OS9: variants seen among roughly 807,000 people sequenced by gnomAD.
The protein encoded by OS9 is OS9 endoplasmic reticulum lectin.
OS9 carries 58 observed loss-of-function variants against 84.7 expected under a neutral mutation model. The ratio of observed to expected loss-of-function variants is 0.68; its 90% CI spans 0.55 to 0.85. The LOEUF is 0.85. Among genes scored for constraint, OS9 ranks in the 40% least tolerant of loss-of-function variants. OS9 has a pLI of 0.00. For missense variants in OS9, 760 were observed against 850.9 expected (o/e 0.89, Z 1.33); for synonymous variants, 278 against 320.8 (o/e 0.87, Z 1.43).
At chr12:57,716,287 G>GGT in intron 7 of OS9, 94 bp downstream of exon 7, 1 of 745,064 alleles carries the variant, frequency 1.3e-6, no homozygotes, top group Non-Finnish European at 2.3e-6. Flanking sequence ...GGTGGGGGGG[G>GGT]GTGGAAAAGT....
intron 11 of OS9, among the ~76,000 whole-genome samples, chr12:57,718,691 G>A (rs574630412): frequency 2.6e-3 from 394 of 152,274 alleles, no homozygotes; most frequent in Non-Finnish European, 4.0e-3. Flanking sequence ...GATCACCTGA[G>A]GTCAGGAGTT....
intron 5 of OS9, 68 bp from the exon 6 acceptor site, chr12:57,715,692 A>G: frequency 1.7e-6 from 2 of 1,148,274 alleles, no homozygotes; most frequent in Non-Finnish European, 2.5e-6. Flanking sequence ...AGTAAAAGAC[A>G]CCTGCTCTAA....
chr12:57,718,909 A>G, intron 11 of OS9, 84 bp from the exon 12 acceptor site: 1 of 957,140 alleles, frequency 1.0e-6, no homozygotes, highest in Non-Finnish European at 1.6e-6. Context: ...ATTTCAAAAT[A>G]TCAGACTCTC....
chr12:57,719,384 A>G (rs1455671903), intron 12 of OS9: 8 of 581,984 alleles, frequency 1.4e-5, no homozygotes, highest in African/African-American at 5.6e-5. Context: ...CCCTCTGGGA[A>G]GCAGCTTTTA....
chr12:57,698,484 A>G (rs1288790224), intron 5 of OS9, among the ~76,000 whole-genome samples: 2 of 152,226 alleles, frequency 1.3e-5, no homozygotes, highest in Non-Finnish European at 2.9e-5. Context: ...GATATGTTAA[A>G]TGAACAGCCA....
chr12:57,716,217 C>G, intron 7 of OS9, 24 bp downstream of exon 7: 1 of 1,481,082 alleles, frequency 6.8e-7, no homozygotes, highest in Non-Finnish European at 9.4e-7. Context: ...TCACCTGTTC[C>G]GTGAAACTCA....
chr12:57,694,591 G>A, intron 1 of OS9, 159 bp from the exon 2 acceptor site: 1 of 766,332 alleles, frequency 1.3e-6, no homozygotes, highest in East Asian at 2.7e-5. Flanking sequence ...AGAAATGGGA[G>A]CGCCCTCTCC....
chr12:57,718,251 G>A lies in OS9; in HGVS notation c.1240G>A (p.Glu414Lys). The change falls in exon 11 of 15, where the codon GAA (glutamate) becomes AAA (lysine). Residue 414 changes from glutamate (E) to lysine (K), a missense_variant. Glu to Lys is a moderately conservative substitution (Grantham distance 56, BLOSUM62 1). Transcript: ENST00000315970. ...TGATCCAGAACGGCAGAGAGAGATGGAAGAAGAGGAGGATGAGGATGAGGA... is the reference window on the plus strand; with the variant it reads ...TGATCCAGAACGGCAGAGAGAGATGAAAGAAGAGGAGGATGAGGATGAGGA... ...RGDPERQREMEEEEDEDEDED... is the reference protein window; with the variant it reads ...RGDPERQREMKEEEDEDEDED... 6.2e-7 allele frequency: 1 copy of A among 1,614,222 alleles called. No individual in the cohort carries two copies. The highest frequency in any genetic ancestry group is 2.2e-5 in the East Asian group (1 of 44,888).
chr12:57,705,443 G>T (rs1288878228), intron 5 of OS9, among the ~76,000 whole-genome samples: 1 of 151,414 alleles, frequency 6.6e-6, no homozygotes, highest in African/African-American at 2.4e-5. Context: ...TTTTATTTTT[G>T]TCTTGTTTGT....
chr12:57,711,420 C>T (rs1430971040), intron 5 of OS9, among the ~76,000 whole-genome samples: 4 of 136,756 alleles, frequency 2.9e-5, no homozygotes, highest in African/African-American at 1.1e-4. Flanking sequence ...GATCTCTGCT[C>T]ACTGCAACCT....
At chr12:57,703,690 C>T (rs1347214726) in intron 5 of OS9, among the ~76,000 whole-genome samples, 3 of 152,006 alleles carry the variant, frequency 2.0e-5, no homozygotes, top group African/African-American at 7.3e-5. Context: ...AATGTGAGTC[C>T]TCTAACTTTG....
At position 57,694,195 on chromosome 12, in the gene OS9, G is replaced by T; in HGVS notation, c.34G>T (p.Gly12Ter). The part of the protein sequence containing the change: ...AAETLLSSLL[G>*]LLLLGLLLPA... Reference sequence around the variant, plus strand: ...GGAAACGCTGCTGTCCAGTTTGTTAGGACTGCTGCTTCTGGGACTCCTGTT... The same window carrying T: ...GGAAACGCTGCTGTCCAGTTTGTTATGACTGCTGCTTCTGGGACTCCTGTT... The change falls in exon 1 of 15, where the codon GGA becomes TGA. Residue 12 changes from glycine to a stop codon, truncating the protein, a stop_gained. Transcript: ENST00000315970. LOFTEE classifies it high-confidence loss of function. 1 of 1,614,196 alleles carries T rather than the reference G, an allele frequency of 6.2e-7. No homozygotes were observed. The highest frequency in any genetic ancestry group is 8.5e-7 in the Non-Finnish European group (1 of 1,180,038).
In OS9 at chr12:57,697,273, T is replaced by C. The variant is rs550586032; in HGVS notation, c.579+900T>C. ...TGCAACATTCTCCAAAACTTACCAGTTGGCTCCAACACACCTGTAAGTCTG... is the reference window on the plus strand; with the variant it reads ...TGCAACATTCTCCAAAACTTACCAGCTGGCTCCAACACACCTGTAAGTCTG... On this transcript the variant is annotated intron_variant, in intron 5 of 14. Transcript: ENST00000315970. Among the ~76,000 whole-genome samples, 6 of 152,352 alleles carry C rather than the reference T, an allele frequency of 3.9e-5. No individual in the cohort carries two copies. The East Asian group carries it at 1.2e-3, about 29-fold the overall frequency.
intron 5 of OS9, among the ~76,000 whole-genome samples, chr12:57,711,701 C>T (rs528585223): frequency 1.1e-4 from 17 of 152,252 alleles, no homozygotes; most frequent in Non-Finnish European, 2.5e-4. Context: ...ATTTTGTCAC[C>T]ATTATTCTAC....
intron 2 of OS9, 156 bp downstream of exon 2, chr12:57,695,082 G>A: frequency 3.1e-6 from 2 of 643,048 alleles, no homozygotes; most frequent in South Asian, 3.9e-5. Flanking sequence ...AAGAAGCAAA[G>A]AATCCTGCAA....
intron 9 of OS9, among the ~76,000 whole-genome samples, chr12:57,717,433 G>A (rs753455882): frequency 2.6e-5 from 4 of 152,250 alleles, no homozygotes; most frequent in Non-Finnish European, 4.4e-5. Context: ...GAAGGCTGAT[G>A]CAGGAAGATT....
In OS9 at chr12:57,715,749, T is replaced by C; in HGVS notation, c.580-11T>C. On this transcript the variant is annotated splice_polypyrimidine_tract_variant and intron_variant, in intron 5 of 14. Coordinates refer to ENST00000315970, the MANE Select transcript of OS9 (RefSeq NM_006812.4). The stretch of plus-strand genomic sequence containing the variant: ...GGTGATTAAGTGTATTCATCCTTTC[T>C]GTCCTGGCAGTTCCTCTGTGACGAG... 1 of 1,583,052 alleles carries C rather than the reference T, an allele frequency of 6.3e-7. No individual in the cohort carries two copies. Among genetic ancestry groups the C allele is most frequent in the Non-Finnish European group, 8.6e-7 (1 of 1,161,510 alleles).
At position 57,720,131 on chromosome 12, in the gene OS9, G is replaced by C; in HGVS notation, c.1633G>C (p.Val545Leu). The change falls in exon 13 of 15, where the codon GTC becomes CTC. Residue 545 changes from valine (V) to leucine (L), a missense_variant. Coordinates refer to ENST00000315970, the MANE Select transcript of OS9 (RefSeq NM_006812.4). ...TCCTGAGCACAGAGTCCGGGTCCGGGTCACCAAGCTCCGTCTCGGAGGCCC... is the reference window on the plus strand; with the variant it reads ...TCCTGAGCACAGAGTCCGGGTCCGGCTCACCAAGCTCCGTCTCGGAGGCCC... ...EDPEHRVRVRVTKLRLGGPNQ... is the reference protein window; with the variant it reads ...EDPEHRVRVRLTKLRLGGPNQ... 2 of 1,614,060 alleles carry C rather than the reference G, an allele frequency of 1.2e-6. No homozygotes were observed. The highest frequency in any genetic ancestry group is 1.7e-6 in the Non-Finnish European group (2 of 1,180,024).
chr12:57,721,094 C>T lies in OS9; in HGVS notation c.*185C>T, dbSNP rs1954667851. On this transcript the variant is annotated 3_prime_UTR_variant, in exon 15 of 15. Coordinates refer to ENST00000315970, the MANE Select transcript of OS9 (RefSeq NM_006812.4). The stretch of plus-strand genomic sequence containing the variant: ...GAATGCTGCTGCCCCTGCTGGCAGC[C>T]ACCTTGAGACCTCACCGGGCCTGTG... 1 of 603,618 alleles carries T rather than the reference C, an allele frequency of 1.7e-6. No homozygotes were observed. The highest frequency in any genetic ancestry group is 2.9e-6 in the Non-Finnish European group (1 of 342,762). 37.4% of individuals were successfully genotyped at this position (603,618 alleles called of 1,614,324 possible). A position where few individuals can be genotyped will look rare whatever the true frequency, so the allele number is the denominator to read the frequency against.
Sources: allele counts gnomAD v4.1 joint callset (sites outside exome capture counted in the v4.1 genomes callset), GRCh38; gene constraint gnomAD v4.1.1; transcripts MANE v1.5; gene names NCBI Gene and HGNC (gene_info 2026-07-23, HGNC 2026-07-21).